NALF1: variants seen among roughly 807,000 people sequenced by gnomAD.
The protein encoded by NALF1 is family with sequence similarity 155 member A.
In NALF1, 3 loss-of-function variants were observed where a neutral mutation model predicts 48.4. The ratio of observed to expected loss-of-function variants is 0.06; its 90% CI spans 0.03 to 0.16. The LOEUF (loss-of-function observed/expected upper bound fraction) is 0.16. NALF1 is among the 10% of genes least tolerant of loss of function. NALF1 has a pLI of 1.00. For synonymous variants in NALF1, 262 were observed against 245.7 expected, an observed-to-expected ratio of 1.07 and a Z score of -0.62; for missense variants, 526 against 571.5, an observed-to-expected ratio of 0.92 and a Z score of 0.81.
chr13:107,165,004 T>G lies in NALF1; in HGVS notation c.*5493A>C, dbSNP rs1878630036. ...CAATGTTGCCACGAAGTATTCTTCT[T>G]GCATGAGGTGTCACGTACAAATACA... On this transcript the variant is annotated 3_prime_UTR_variant, in exon 3 of 3. Coordinates refer to ENST00000375915, the MANE Select transcript of NALF1 (RefSeq NM_001080396.3). The G allele has an allele frequency of 1.3e-5, 2 of 152,218 alleles. No homozygotes were observed. The highest frequency in any genetic ancestry group is 2.9e-5 in the Non-Finnish European group (2 of 68,056). 9.4% of individuals were successfully genotyped at this position (152,218 alleles called of 1,614,324 possible). A position where few individuals can be genotyped will look rare whatever the true frequency, so the allele number is the denominator to read the frequency against.
intron 1 of NALF1, among the ~76,000 whole-genome samples, chr13:107,452,256 T>C (rs1428003050): frequency 6.6e-6 from 1 of 152,190 alleles, no homozygotes; most frequent in East Asian, 1.9e-4. Flanking sequence ...ACGTGTGTTA[T>C]TAGTCCATTT....
At position 107,713,978 on chromosome 13, in the gene NALF1, C is replaced by G. The variant is rs917513420; in HGVS notation, c.915+151704G>C. Among the ~76,000 whole-genome samples, 14 of 152,100 alleles carry G rather than the reference C, an allele frequency of 9.2e-5. 1 individual carries two copies. Among genetic ancestry groups the G allele is most frequent in the Admixed American group, 7.2e-4 (11 of 15,274 alleles). On this transcript the variant is annotated intron_variant, in intron 1 of 2. Transcript: ENST00000375915. ...AAAATAGATGAAGGAAAAGAAATAA[C>G]AGAGGAGAAGAAAGGGGCTCATGAG...
At chr13:107,548,690 C>T (rs968265710) in intron 1 of NALF1, among the ~76,000 whole-genome samples, 7 of 151,994 alleles carry the variant, frequency 4.6e-5, no homozygotes, top group African/African-American at 1.2e-4. Context: ...GACCTGCTCC[C>T]CTCTTAGTTC....
At chr13:107,332,983 T>C (rs971571763) in intron 1 of NALF1, among the ~76,000 whole-genome samples, 17 of 152,164 alleles carry the variant, frequency 1.1e-4, no homozygotes, top group African/African-American at 3.6e-4. Flanking sequence ...GTAGCTGGGA[T>C]TACAGGTGCG....
chr13:107,643,959 A>G (rs1273107128), intron 1 of NALF1, among the ~76,000 whole-genome samples: 4 of 129,584 alleles, frequency 3.1e-5, no homozygotes, highest in Non-Finnish European at 6.4e-5. Flanking sequence ...TGAGTTTCAG[A>G]TGATTTTTTT....
chr13:107,214,466 C>A (rs972714947), intron 1 of NALF1, among the ~76,000 whole-genome samples: 3 of 151,960 alleles, frequency 2.0e-5, no homozygotes, highest in South Asian at 2.1e-4. Context: ...TTATATGAAA[C>A]GAAAGAATAA....
intron 1 of NALF1, among the ~76,000 whole-genome samples, chr13:107,296,478 A>C (rs1372315559): frequency 6.6e-6 from 1 of 152,166 alleles, no homozygotes; most frequent in African/African-American, 2.4e-5. Flanking sequence ...GAGTGGAGTG[A>C]GGGGCAGAGA....
intron 1 of NALF1, among the ~76,000 whole-genome samples, chr13:107,235,973 C>T (rs980464051): frequency 5.3e-5 from 8 of 152,068 alleles, no homozygotes; most frequent in Admixed American, 1.3e-4. Flanking sequence ...TATTGTAGAA[C>T]GTGAAGTCAT....
intron 1 of NALF1, among the ~76,000 whole-genome samples, chr13:107,601,567 T>C (rs79831382): frequency 0.037 from 5,580 of 152,280 alleles, 133 homozygotes; most frequent in South Asian, 0.067. Context: ...TAAGCTAAAT[T>C]ATTAGATTAC....
intron 1 of NALF1, among the ~76,000 whole-genome samples, chr13:107,828,606 T>TACACAC (rs60869824): frequency 0.014 from 1,438 of 103,976 alleles, 30 homozygotes; most frequent in African/African-American, 0.034. Context: ...TCTATATCTA[T>TACACAC]ACACACACAC....
intron 1 of NALF1, among the ~76,000 whole-genome samples, chr13:107,767,099 G>A (rs1038743058): frequency 1.3e-5 from 2 of 152,146 alleles, no homozygotes; most frequent in Non-Finnish European, 2.9e-5. Context: ...GGATTTACAT[G>A]CAGAAAAAGA....
intron 1 of NALF1, among the ~76,000 whole-genome samples, chr13:107,412,260 C>T (rs1054872428): frequency 5.3e-5 from 8 of 152,080 alleles, no homozygotes; most frequent in African/African-American, 1.9e-4. Context: ...CCAGTCTAAG[C>T]ATGTCACGGA....
At position 107,429,050 on chromosome 13, in the gene NALF1, C is replaced by T. The variant is rs114112342; in HGVS notation, c.916-218295G>A. 5.6e-3 allele frequency among the ~76,000 whole-genome samples: 855 copies of T among 152,190 alleles called. 8 individuals are homozygous for T. Among genetic ancestry groups the T allele is most frequent in the African/African-American group, 0.019 (774 of 41,538 alleles). ...TAAAAGAAAAGAGATTAGCCGGGCA[C>T]GGTGGCTCACGCCTGTAATCCCAGC... On this transcript the variant is annotated intron_variant, in intron 1 of 2. Coordinates refer to ENST00000375915, the MANE Select transcript of NALF1 (RefSeq NM_001080396.3).
At chr13:107,456,871 G>A (rs1884832773) in intron 1 of NALF1, among the ~76,000 whole-genome samples, 1 of 152,090 alleles carries the variant, frequency 6.6e-6, no homozygotes, top group Non-Finnish European at 1.5e-5. Context: ...CACAGTTCCT[G>A]TAAAAAAGAG....
intron 1 of NALF1, among the ~76,000 whole-genome samples, chr13:107,569,165 A>T (rs1348231838): frequency 1.3e-5 from 2 of 152,140 alleles, no homozygotes; most frequent in Non-Finnish European, 2.9e-5. Context: ...CTCCATAACC[A>T]TTTATTAAAA....
At chr13:107,408,979 G>A (rs1883945543) in intron 1 of NALF1, among the ~76,000 whole-genome samples, 1 of 152,000 alleles carries the variant, frequency 6.6e-6, no homozygotes, top group Non-Finnish European at 1.5e-5. Flanking sequence ...GAAACAAATA[G>A]CAAAATAAAT....
intron 1 of NALF1, among the ~76,000 whole-genome samples, chr13:107,700,613 A>C (rs112364641): frequency 1.3e-5 from 2 of 152,124 alleles, no homozygotes; most frequent in African/African-American, 4.8e-5. Flanking sequence ...AGTCCACGAA[A>C]GCAAAAATAC....
At chr13:107,577,598 C>T (rs1878189721) in intron 1 of NALF1, among the ~76,000 whole-genome samples, 1 of 152,184 alleles carries the variant, frequency 6.6e-6, no homozygotes, top group South Asian at 2.1e-4. Context: ...AATTTATTAG[C>T]TCTGTGATTT....
chr13:107,545,020 T>C (rs772970179), intron 1 of NALF1, among the ~76,000 whole-genome samples: 1 of 152,182 alleles, frequency 6.6e-6, no homozygotes, highest in Non-Finnish European at 1.5e-5. Context: ...TGTTCTGCGT[T>C]ATGGGCTAAG....
Sources: allele counts gnomAD v4.1 joint callset (sites outside exome capture counted in the v4.1 genomes callset), GRCh38; gene constraint gnomAD v4.1.1; transcripts MANE v1.5; gene names NCBI Gene and HGNC (gene_info 2026-07-23, HGNC 2026-07-21).